The following PTPRN2 variants were observed in gnomAD, a reference collection of about 807,000 sequenced individuals.
PTPRN2 encodes receptor-type tyrosine-protein phosphatase N2.
A neutral mutation model predicts 118.8 loss-of-function variants in PTPRN2; 74 were observed. The ratio of observed to expected loss-of-function variants is 0.62; its 90% CI spans 0.52 to 0.76. The LOEUF (loss-of-function observed/expected upper bound fraction) is 0.76. Among genes scored for constraint, PTPRN2 ranks in the 30% least tolerant of loss-of-function variants. PTPRN2 has a pLI of 0.00. For synonymous variants in PTPRN2, 641 were observed against 608.0 expected (o/e 1.05, Z -0.80); for missense variants, 1,481 against 1,394.4 (o/e 1.06, Z -0.99).
chr7:157,977,741 C>G lies in PTPRN2; in HGVS notation c.1724-79004G>C, dbSNP rs1050544223. Among the ~76,000 whole-genome samples the G allele has an allele frequency of 6.6e-6, 1 of 151,802 alleles. No homozygotes were observed. Among genetic ancestry groups the G allele is most frequent in the Non-Finnish European group, 1.5e-5 (1 of 67,898 alleles). ...GGCGGGAGGAAGTGAGAGGTAGGAT[C>G]TGGTACCATCTCGAGAGGCTGCAGC... is the stretch of plus-strand genomic sequence containing the variant. On this transcript the variant is annotated intron_variant, in intron 11 of 22. Coordinates refer to ENST00000389418, the MANE Select transcript of PTPRN2 (RefSeq NM_002847.5). The surrounding 1 kb of genome is among the most constrained non-coding windows in gnomAD (Gnocchi z 4.6).
At chr7:158,081,176 G>A in intron 11 of PTPRN2, 122 bp downstream of exon 11, 1 of 970,020 alleles carries the variant, frequency 1.0e-6, no homozygotes, top group Middle Eastern at 3.1e-4. Context: ...ACCTTCCTCT[G>A]GGTTGCCCCA....
intron 1 of PTPRN2, among the ~76,000 whole-genome samples, chr7:158,556,481 A>G (rs1827004287): frequency 6.6e-6 from 1 of 151,658 alleles, no homozygotes; most frequent in Admixed American, 6.6e-5. Flanking sequence ...TTGAACTGGG[A>G]GGCGGAAGTT....
rs1797413156 is a variant in PTPRN2 at position 157,690,356 on chromosome 7, A to G, written c.1789-7419T>C. On this transcript the variant is annotated intron_variant, in intron 12 of 22. Coordinates refer to ENST00000389418, the MANE Select transcript of PTPRN2 (RefSeq NM_002847.5). The surrounding 1 kb of genome is among the most constrained non-coding windows in gnomAD (Gnocchi z 7.1). ...CCTGAACTGAGCTCTCCGACGCCCT[A>G]GTTGCCCGTTAGAGCCCCCATGCGC... is the stretch of plus-strand genomic sequence containing the variant. Among the ~76,000 whole-genome samples the G allele has an allele frequency of 6.6e-6, 1 of 152,144 alleles. No homozygotes were observed. Among genetic ancestry groups the G allele is most frequent in the Non-Finnish European group, 1.5e-5 (1 of 68,014 alleles).
rs868478936 is a variant in PTPRN2 at position 158,334,592 on chromosome 7, C to G, written c.164-17660G>C. ...CTCGCCCACAGAGGTCACTCACACC[C>G]ACACTCTCACCATAAGAGCCGACGC... is the stretch of plus-strand genomic sequence containing the variant. On this transcript the variant is annotated intron_variant, in intron 2 of 22. Transcript: ENST00000389418. 8.9e-3 allele frequency among the ~76,000 whole-genome samples: 938 copies of G among 105,918 alleles called. 1 individual carries two copies. The highest frequency in any genetic ancestry group is 0.032 in the African/African-American group (882 of 27,936). The allele number at this position is 105,918 out of a possible 152,430, so 69.5% of individuals were successfully genotyped here. A position where few individuals can be genotyped will look rare whatever the true frequency, so the allele number is the denominator to read the frequency against.
chr7:158,080,314 CA>C (rs556546951), intron 11 of PTPRN2, among the ~76,000 whole-genome samples: 276 of 72,172 alleles, frequency 3.8e-3, no homozygotes, highest in African/African-American at 0.014. Context: ...CAAATTTAAG[CA>C]AAAAAAAAAA....
chr7:158,483,908 TGGGA>T (rs1300906997), intron 2 of PTPRN2, among the ~76,000 whole-genome samples: 2 of 151,940 alleles, frequency 1.3e-5, no homozygotes, highest in Non-Finnish European at 2.9e-5. Context: ...GAGGTCAAGG[TGGGA>T]GGACCACTTG....
chr7:157,943,893 C>G (rs889347278), intron 11 of PTPRN2, among the ~76,000 whole-genome samples: 6 of 152,162 alleles, frequency 3.9e-5, no homozygotes, highest in African/African-American at 1.4e-4. Context: ...TACACCATCC[C>G]CTTTTAGTGT....
At chr7:157,634,663 C>T (rs1804192715) in intron 14 of PTPRN2, among the ~76,000 whole-genome samples, 1 of 152,128 alleles carries the variant, frequency 6.6e-6, no homozygotes, top group South Asian at 2.1e-4. Context: ...CGACCTCTTC[C>T]AGACCCCCCG....
intron 11 of PTPRN2, among the ~76,000 whole-genome samples, chr7:157,988,205 G>A (rs1441335110): frequency 1.3e-5 from 2 of 152,204 alleles, no homozygotes; most frequent in South Asian, 2.1e-4. Flanking sequence ...TCTCTCCCCG[G>A]AGCCCCCACT....
At chr7:158,081,738 A>G (rs1812859812) in intron 10 of PTPRN2, among the ~76,000 whole-genome samples, 1 of 152,256 alleles carries the variant, frequency 6.6e-6, no homozygotes, top group South Asian at 2.1e-4. Flanking sequence ...AGGGAGATGT[A>G]TGAATCTAGA....
chr7:157,718,749 C>T (rs1306757846), intron 12 of PTPRN2, among the ~76,000 whole-genome samples: 1 of 151,800 alleles, frequency 6.6e-6, no homozygotes, highest in Non-Finnish European at 1.5e-5. Flanking sequence ...CAGCCACTCT[C>T]CATGGCCCCG....
chr7:158,340,612 C>A (rs1436763220), intron 2 of PTPRN2, among the ~76,000 whole-genome samples: 9 of 112,664 alleles, frequency 8.0e-5, no homozygotes, highest in African/African-American at 2.9e-4. Context: ...CACACCCACA[C>A]ACGTCACTCA....
chr7:158,111,647 G>A (rs185123244), intron 9 of PTPRN2, among the ~76,000 whole-genome samples: 3 of 152,320 alleles, frequency 2.0e-5, no homozygotes, highest in East Asian at 1.9e-4. Flanking sequence ...AGACCAAAAC[G>A]CCTGCATTCC....
chr7:157,665,683 A>T (rs1293947721), intron 13 of PTPRN2, among the ~76,000 whole-genome samples: 1 of 152,268 alleles, frequency 6.6e-6, no homozygotes, highest in Non-Finnish European at 1.5e-5. Flanking sequence ...ACACATGCAC[A>T]CATATGTTTA....
intron 11 of PTPRN2, among the ~76,000 whole-genome samples, chr7:157,983,346 G>T (rs1199917379): frequency 2.0e-5 from 3 of 150,376 alleles, no homozygotes; most frequent in Non-Finnish European, 4.4e-5. Flanking sequence ...GCAGTGCAGG[G>T]TCCCCCCTAA....
intron 11 of PTPRN2, among the ~76,000 whole-genome samples, chr7:158,071,697 G>GGTGGTGGAGGTGCTCA: frequency 8.6e-6 from 1 of 116,052 alleles, no homozygotes; most frequent in Non-Finnish European, 1.9e-5. Flanking sequence ...GGAGGTGCTT[G>GGTGGTGGAGGTGCTCA]TGGTGGAGGT....
At chr7:158,253,752 G>C (rs1244603330) in intron 3 of PTPRN2, among the ~76,000 whole-genome samples, 1 of 152,238 alleles carries the variant, frequency 6.6e-6, no homozygotes, top group Non-Finnish European at 1.5e-5. Context: ...TTGAGAAAAT[G>C]ATTCATTAGA....
At position 157,874,994 on chromosome 7, in the gene PTPRN2, C is replaced by T. The variant is rs577153865; in HGVS notation, c.1788+23679G>A. On this transcript the variant is annotated intron_variant, in intron 12 of 22. Transcript: ENST00000389418. This position sits in a 1 kb window ranked among gnomAD's most constrained non-coding sequence, Gnocchi z 5.8. ...AGAGACACAGGCACACACAGGCAGA[C>T]GCAAACGTGCATGCACACAGACACA... Among the ~76,000 whole-genome samples, 39 of 150,882 alleles carry T rather than the reference C, an allele frequency of 2.6e-4. No homozygotes were observed. The highest frequency in any genetic ancestry group is 1.7e-3 in the South Asian group (8 of 4,682).
intron 2 of PTPRN2, among the ~76,000 whole-genome samples, chr7:158,395,780 C>CA (rs1812425528): frequency 2.5e-5 from 1 of 39,410 alleles, no homozygotes. Flanking sequence ...GGGTGAGGCG[C>CA]GAGGGGCGAG....
Sources: gnomAD v4.1 joint callset for allele counts (sites outside exome capture counted in the v4.1 genomes callset) on GRCh38, gnomAD v4.1.1 for gene constraint, Gnocchi (gnomAD v3.1) non-coding constraint, MANE v1.5 for transcripts, NCBI Gene and HGNC (gene_info 2026-07-23, HGNC 2026-07-21) for gene names.